Variants in MYO10 observed in about 807,000 individuals in gnomAD.
MYO10 encodes the protein unconventional myosin-X.
In MYO10, 133 loss-of-function variants were observed where a neutral mutation model predicts 257.3. The observed-to-expected ratio is 0.52, with a 90% CI of 0.45 to 0.60. The LOEUF (loss-of-function observed/expected upper bound fraction) is 0.60, where lower values mean the gene tolerates loss of function less well. Among genes scored for constraint, MYO10 ranks in the 20% least tolerant of loss-of-function variants. The pLI, the probability that MYO10 is intolerant of heterozygous loss-of-function variation, is 0.00. For synonymous variants in MYO10, 1,104 were observed against 1,028.6 expected (o/e 1.07, Z -1.40); for missense variants, 2,399 against 2,635.7 (o/e 0.91, Z 1.97).
intron 1 of MYO10, among the ~76,000 whole-genome samples, chr5:16,881,034 T>C (rs1744742702): frequency 6.6e-6 from 1 of 152,192 alleles, no homozygotes; most frequent in Non-Finnish European, 1.5e-5. Flanking sequence ...TTCAAAGTGA[T>C]ATAAGGCAAG....
rs976866513 is a variant in MYO10 at position 16,664,642 on chromosome 5, T to G, written c.*2050A>C. The G allele has an allele frequency of 2.6e-5, 4 of 152,332 alleles. No individual in the cohort carries two copies. The South Asian group carries it at 8.3e-4, about 32-fold the overall frequency. The allele number at this position is 152,332 out of a possible 1,614,324, so 9.4% of individuals were successfully genotyped here. A position where few individuals can be genotyped will look rare whatever the true frequency, so the allele number is the denominator to read the frequency against. ...GGTTTGGGTACATTGGCAACCAAAC[T>G]GCCTACCTGTGTGTTCTGGTCCACA... On this transcript the variant is annotated 3_prime_UTR_variant, in exon 41 of 41. Transcript: ENST00000513610.
At chr5:16,795,064 G>A (rs901813475) in intron 3 of MYO10, among the ~76,000 whole-genome samples, 7 of 120,168 alleles carry the variant, frequency 5.8e-5, no homozygotes, top group South Asian at 2.7e-4. Flanking sequence ...ATGGTGAGGC[G>A]GCCCAGGCCC....
chr5:16,840,023 G>T (rs1352271034), intron 2 of MYO10, among the ~76,000 whole-genome samples: 10 of 152,198 alleles, frequency 6.6e-5, no homozygotes, highest in Non-Finnish European at 1.3e-4. Context: ...TGCAGTGAAA[G>T]ATGGGCTGAC....
At chr5:16,761,910 C>T (rs2126649952) in intron 16 of MYO10, 135 bp downstream of exon 16, 1 of 915,036 alleles carries the variant, frequency 1.1e-6, no homozygotes, top group Non-Finnish European at 1.6e-6. Context: ...GCCTCAGCCT[C>T]CCAAAGTACT....
intron 1 of MYO10, among the ~76,000 whole-genome samples, chr5:16,931,964 C>A (rs1465584098): frequency 6.6e-6 from 1 of 152,190 alleles, no homozygotes; most frequent in African/African-American, 2.4e-5. Context: ...GGGAACTCTA[C>A]TCACTTAAAA....
At chr5:16,914,723 A>C (rs1745767870) in intron 1 of MYO10, among the ~76,000 whole-genome samples, 1 of 152,154 alleles carries the variant, frequency 6.6e-6, no homozygotes, top group African/African-American at 2.4e-5. Flanking sequence ...AAAAAGTCCA[A>C]ATATTTTATA....
chr5:16,892,303 C>T (rs763818534), intron 1 of MYO10, among the ~76,000 whole-genome samples: 6 of 152,130 alleles, frequency 3.9e-5, no homozygotes, highest in Non-Finnish European at 7.3e-5. Context: ...TTATCTGATA[C>T]ATAACACAAA....
At position 16,697,040 on chromosome 5, in the gene MYO10, G is replaced by A. The variant is rs114952281; in HGVS notation, c.3556+2410C>T. Among the ~76,000 whole-genome samples the A allele has an allele frequency of 2.9e-3, 436 of 152,228 alleles. 2 individuals carry two copies. Among genetic ancestry groups the A allele is most frequent in the African/African-American group, 9.8e-3 (406 of 41,552 alleles). ...AAATACTTATTGGATCAAAGGTTCTGATTTGCAATGACATTTTTTCCTTTG... is the reference window on the plus strand; with the variant it reads ...AAATACTTATTGGATCAAAGGTTCTAATTTGCAATGACATTTTTTCCTTTG... On this transcript the variant is annotated intron_variant, in intron 26 of 40. Coordinates refer to ENST00000513610, the MANE Select transcript of MYO10 (RefSeq NM_012334.3).
chr5:16,798,984 T>C (rs1742043725), intron 3 of MYO10, among the ~76,000 whole-genome samples: 1 of 152,158 alleles, frequency 6.6e-6, no homozygotes, highest in African/African-American at 2.4e-5. Flanking sequence ...TTAACACACC[T>C]TTTAAAAAAT....
In MYO10 at chr5:16,936,000, A is replaced by C; in HGVS notation, c.-192T>G. 1 of 634,692 alleles carries C rather than the reference A, an allele frequency of 1.6e-6. No individual in the cohort carries two copies. Among genetic ancestry groups the C allele is most frequent in the Non-Finnish European group, 2.8e-6 (1 of 363,282 alleles). 39.3% of individuals were successfully genotyped at this position (634,692 alleles called of 1,614,324 possible). A position where few individuals can be genotyped will look rare whatever the true frequency, so the allele number is the denominator to read the frequency against. On this transcript the variant is annotated 5_prime_UTR_variant, in exon 1 of 41. Transcript: ENST00000513610. ...TTGTTCGCCCAAACCCAAGTCCCTA[A>C]CTCGCCCGTCCCGACGGCAGCCTTT...
chr5:16,861,331 C>T (rs150977983), intron 2 of MYO10, among the ~76,000 whole-genome samples: 4,433 of 151,436 alleles, frequency 0.029, 211 homozygotes, highest in African/African-American at 0.098. Context: ...TTTGGGAGGC[C>T]GAGGCAAGTG....
At position 16,672,825 on chromosome 5, in the gene MYO10, C is replaced by T. The variant is rs1483460080; in HGVS notation, c.5173G>A (p.Val1725Met). 2 of 1,612,614 alleles carry T rather than the reference C, an allele frequency of 1.2e-6. No homozygotes were observed. The highest frequency in any genetic ancestry group is 8.5e-7 in the Non-Finnish European group (1 of 1,179,302). Residue 1725 changes from valine to methionine, a missense_variant and splice_region_variant, in exon 37 of 41, where the codon GTG becomes ATG. Val to Met is a conservative substitution (Grantham distance 21, BLOSUM62 1). Around this residue, in one of 3 missense-constraint regions of MYO10, gnomAD observed 1,820 missense variants for 1,939.4 expected, o/e 0.94. Coordinates refer to ENST00000513610, the MANE Select transcript of MYO10 (RefSeq NM_012334.3). ...TINSHTTAGE[V>M]VEKLIRGLAM... ...AGGCCTCGGATCAGCTTCTCCACCA[C>T]CTGGAAGACACACCAGGGGGACTTC...
intron 39 of MYO10, among the ~76,000 whole-genome samples, chr5:16,669,916 GAA>G (rs962654553): frequency 2.0e-5 from 3 of 152,138 alleles, no homozygotes; most frequent in Non-Finnish European, 2.9e-5. Flanking sequence ...AACAGCCAGG[GAA>G]TATATCTAAA....
chr5:16,688,976 C>A (rs1243816058), intron 28 of MYO10, among the ~76,000 whole-genome samples: 1 of 152,314 alleles, frequency 6.6e-6, no homozygotes, highest in Non-Finnish European at 1.5e-5. Context: ...GTCCAGGAAG[C>A]TACAGACAAC....
chr5:16,858,289 C>CAGGCTGTAGGCA (rs1307276562), intron 2 of MYO10, among the ~76,000 whole-genome samples: 2 of 152,124 alleles, frequency 1.3e-5, no homozygotes, highest in African/African-American at 4.8e-5. Context: ...CCATACAATT[C>CAGGCTGTAGGCA]AGGCTGTAGG....
chr5:16,903,933 C>T (rs1008576198), intron 1 of MYO10, among the ~76,000 whole-genome samples: 10 of 152,248 alleles, frequency 6.6e-5, no homozygotes, highest in South Asian at 2.1e-4. Context: ...ATTTGGTCAG[C>T]GTCATTGTCC....
rs770160016 is a variant in MYO10 at position 16,701,532 on chromosome 5, G to T, written c.2863C>A (p.Arg955=). ...ACCGACAGGGACCGCTCGATATTCC[G>T]GACACACTCGTCGATCTCGTCGAAA... ...LNFDEIDECV[R]NIERSLSVGS... Residue 955 remains arginine, a synonymous_variant, in exon 25 of 41, where the codon CGG becomes AGG. Coordinates refer to ENST00000513610, the MANE Select transcript of MYO10 (RefSeq NM_012334.3). The surrounding 1 kb of genome is among the most constrained non-coding windows in gnomAD (Gnocchi z 8.1). 6.2e-7 allele frequency: 1 copy of T among 1,613,906 alleles called. No individual in the cohort carries two copies. Among genetic ancestry groups the T allele is most frequent in the East Asian group, 2.2e-5 (1 of 44,858 alleles).
intron 1 of MYO10, among the ~76,000 whole-genome samples, chr5:16,907,361 A>G (rs1745546442): frequency 6.6e-6 from 1 of 152,140 alleles, no homozygotes; most frequent in African/African-American, 2.4e-5. Flanking sequence ...AAGGAAACCA[A>G]AAATAATGGT....
In MYO10 at chr5:16,907,875, T is replaced by C. The variant is rs978014454; in HGVS notation, c.21+27913A>G. Among the ~76,000 whole-genome samples the C allele has an allele frequency of 3.9e-5, 6 of 152,364 alleles. No homozygotes were observed. The South Asian group carries it at 1.0e-3, about 26-fold the overall frequency. On this transcript the variant is annotated intron_variant, in intron 1 of 40. Transcript: ENST00000513610. ...CTTTCAACTTTACTGGAAAATGTAA[T>C]ATAAAAATTTATCTTTACCTCTCTT...
Sources: allele counts gnomAD v4.1 joint callset (sites outside exome capture counted in the v4.1 genomes callset), GRCh38; gene constraint gnomAD v4.1.1; regional missense constraint gnomAD v4.1.1; non-coding constraint Gnocchi (gnomAD v3.1); transcripts MANE v1.5; gene names NCBI Gene and HGNC (gene_info 2026-07-23, HGNC 2026-07-21).